Variants in APOLD1 observed in about 807,000 individuals in gnomAD.
APOLD1 encodes apolipoprotein L domain-containing protein 1.
A neutral mutation model predicts 15.3 loss-of-function variants in APOLD1; 22 were observed. The observed-to-expected ratio is 1.44, with a 90% confidence interval of 1.03 to 2.05. APOLD1 has a LOEUF of 2.05. Ranked by LOEUF, APOLD1 falls within the 30% of genes most tolerant of loss-of-function variation. The pLI is 0.00. For synonymous variants in APOLD1, 190 were observed against 167.4 expected (o/e 1.13, Z -1.04); for missense variants, 394 against 353.5 (o/e 1.11, Z -0.92).
At chr12:12,755,252 AT>A (rs1197033027) in intron 1 of APOLD1, among the ~76,000 whole-genome samples, 1 of 152,188 alleles carries the variant, frequency 6.6e-6, no homozygotes, top group Non-Finnish European at 1.5e-5. Context: ...GTTATATATA[AT>A]GAGATCCCTA....
chr12:12,746,004 G>A (rs1286781227), intron 1 of APOLD1, among the ~76,000 whole-genome samples: 1 of 152,084 alleles, frequency 6.6e-6, no homozygotes, highest in African/African-American at 2.4e-5. Context: ...ACTTAGCAGA[G>A]CTAAATCCCC....
intron 1 of APOLD1, among the ~76,000 whole-genome samples, chr12:12,775,225 A>G (rs1472263892): frequency 6.6e-6 from 1 of 152,212 alleles, no homozygotes; most frequent in East Asian, 1.9e-4. Context: ...ATTCCAACTA[A>G]TGACATTCTG....
rs1255532813 is a variant in APOLD1, at chr12:12,749,892, AGAACTT to A, written c.96+23798_96+23803del. Among the ~76,000 whole-genome samples the A allele has an allele frequency of 2.6e-5, 4 of 152,312 alleles. No homozygotes were observed. In the East Asian group the frequency reaches 7.7e-4, roughly 29 times the overall value. ...GTCCAATTATTTGTTCAAAACGCCA[AGAACTT>A]GGACAACTTGCAGTCAAGACCCTCT... On this transcript the variant is annotated intron_variant, in intron 1 of 1. Coordinates refer to the APOLD1 transcript ENST00000326765.
At position 12,735,775 on chromosome 12, in the gene APOLD1, C is replaced by CAATAAATAAATAAATAAATAAATA. The variant is rs58759446; in HGVS notation, c.96+9681_96+9704dup. Among the ~76,000 whole-genome samples the CAATAAATAAATAAATAAATAAATA allele has an allele frequency of 8.9e-3, 1,341 of 150,538 alleles. 23 individuals carry two copies. The highest frequency in any genetic ancestry group is 0.03 in the African/African-American group (1,228 of 40,952). ...TGGACAATGTGAGGCCTCATTTCTA[C>CAATAAATAAATAAATAAATAAATA]AATAAATAAATAAATAAATAAATAA... On this transcript the variant is annotated intron_variant, in intron 1 of 1. Transcript: ENST00000326765.
chr12:12,752,565 G>A (rs1002275342), intron 1 of APOLD1, among the ~76,000 whole-genome samples: 1 of 152,046 alleles, frequency 6.6e-6, no homozygotes, highest in African/African-American at 2.4e-5. Context: ...GAACAAAAAT[G>A]ATACAATCTC....
At chr12:12,726,036 G>C in exon 1 of APOLD1, 1 of 1,541,114 alleles carries the variant, frequency 6.5e-7, no homozygotes, top group East Asian at 2.5e-5. Flanking sequence ...TGCGGGCCAG[G>C]GGTACTCGGA....
chr12:12,747,551 A>G (rs1181166071), intron 1 of APOLD1, among the ~76,000 whole-genome samples: 1 of 152,178 alleles, frequency 6.6e-6, no homozygotes, highest in Non-Finnish European at 1.5e-5. Context: ...GAACTGCTAG[A>G]TCTCATTCCG....
At chr12:12,762,565 G>T (rs2136386929) in intron 1 of APOLD1, among the ~76,000 whole-genome samples, 1 of 151,956 alleles carries the variant, frequency 6.6e-6, no homozygotes, top group East Asian at 1.9e-4. Context: ...ATGTTAGCTA[G>T]GCTGGTCTTG....
At chr12:12,761,467 G>T (rs1021883691) in intron 1 of APOLD1, among the ~76,000 whole-genome samples, 1 of 152,082 alleles carries the variant, frequency 6.6e-6, no homozygotes. Context: ...TCTCTACTCA[G>T]TAGGGAAAGA....
chr12:12,776,022 A>C (rs548984516), intron 1 of APOLD1, among the ~76,000 whole-genome samples: 2,669 of 149,696 alleles, frequency 0.018, 41 homozygotes, highest in Admixed American at 0.028. Context: ...AAAAAAAAAA[A>C]AAAACACAAC....
At chr12:12,750,110 C>T (rs77660016) in intron 1 of APOLD1, among the ~76,000 whole-genome samples, 1 of 152,104 alleles carries the variant, frequency 6.6e-6, no homozygotes, top group African/African-American at 2.4e-5. Context: ...CGGTGGCTCA[C>T]GCCTGTAATC....
intron 1 of APOLD1, among the ~76,000 whole-genome samples, chr12:12,751,721 C>G (rs1946813669): frequency 6.6e-6 from 1 of 152,206 alleles, no homozygotes; most frequent in South Asian, 2.1e-4. Flanking sequence ...CAAGTATGTT[C>G]ACATCCTAAT....
chr12:12,748,683 A>G (rs1946783970), intron 1 of APOLD1, among the ~76,000 whole-genome samples: 1 of 152,162 alleles, frequency 6.6e-6, no homozygotes, highest in Non-Finnish European at 1.5e-5. Flanking sequence ...TTCCACAGAA[A>G]AAGATAATGG....
chr12:12,768,148 C>G (rs1486067213), intron 1 of APOLD1, among the ~76,000 whole-genome samples: 1 of 151,992 alleles, frequency 6.6e-6, no homozygotes, highest in African/African-American at 2.4e-5. Context: ...GGGGAGTCCT[C>G]AAACCAAACT....
chr12:12,752,614 A>T (rs564583754), intron 1 of APOLD1, among the ~76,000 whole-genome samples: 21 of 150,688 alleles, frequency 1.4e-4, no homozygotes, highest in Admixed American at 9.3e-4. Context: ...GAGAAAATTT[A>T]AAAAAAAAAT....
At chr12:12,781,225 C>T (rs143636072), upstream of APOLD1, among the ~76,000 whole-genome samples, 1,629 of 152,148 alleles carry the variant, frequency 0.011, 27 homozygotes, top group African/African-American at 0.037. Context: ...TGTGGATCAC[C>T]TGAGGTCAGG....
At position 12,788,079 on chromosome 12, in the gene APOLD1, G is replaced by A. The variant is rs2110597; in HGVS notation, c.*427G>A. 0.59 allele frequency: 96,183 copies of A among 161,720 alleles called. 29,533 individuals are homozygous for A. Among genetic ancestry groups the A allele is most frequent in the East Asian group, 0.72 (3,869 of 5,388 alleles). 10.0% of individuals were successfully genotyped at this position (161,720 alleles called of 1,614,324 possible). ...TCCTCAAAATGTGCGTGAGGAAGGC[G>A]TTTGCCTCTATTCCAGAATTTCTGA... is the stretch of plus-strand genomic sequence containing the variant. On this transcript the variant is annotated 3_prime_UTR_variant, in exon 2 of 2. Transcript: ENST00000356591.
At chr12:12,773,999 A>C (rs1947008260) in intron 1 of APOLD1, among the ~76,000 whole-genome samples, 1 of 152,222 alleles carries the variant, frequency 6.6e-6, no homozygotes, top group South Asian at 2.1e-4. Context: ...CTAGAAGATA[A>C]CAGGAAAAAA....
intron 1 of APOLD1, among the ~76,000 whole-genome samples, chr12:12,775,643 A>G (rs1947025778): frequency 6.6e-6 from 1 of 152,238 alleles, no homozygotes; most frequent in Admixed American, 6.5e-5. Context: ...TAGATTACAT[A>G]AAATCATTTT....
Sources: gnomAD v4.1 joint callset for allele counts (sites outside exome capture counted in the v4.1 genomes callset) on GRCh38, gnomAD v4.1.1 for gene constraint, MANE v1.5 for transcripts, NCBI Gene and HGNC (gene_info 2026-07-23, HGNC 2026-07-21) for gene names.